Variants in KDM4B observed in about 807,000 individuals in gnomAD.
The protein encoded by KDM4B is lysine demethylase 4B, also known as lysine-specific demethylase 4B.
KDM4B carries 32 observed loss-of-function variants against 125.2 expected under a neutral mutation model. The ratio of observed to expected loss-of-function variants is 0.26; its 90% CI spans 0.19 to 0.34. The LOEUF is 0.34. Ranked by LOEUF, KDM4B falls within the 10% of genes least tolerant of loss-of-function variation. KDM4B has a pLI of 1.00. For missense variants in KDM4B, 1,190 were observed against 1,577.7 expected (o/e 0.75, Z 4.16); for synonymous variants, 721 against 677.9 (o/e 1.06, Z -0.99).
At chr19:4,983,234 C>G (rs561292283) in intron 1 of KDM4B, among the ~76,000 whole-genome samples, 2 of 151,756 alleles carry the variant, frequency 1.3e-5, no homozygotes, top group African/African-American at 4.8e-5. Flanking sequence ...GCCCTGGCCC[C>G]GGATGCACTG....
At position 5,082,247 on chromosome 19, in the gene KDM4B, T is replaced by G. The variant is rs1450786198; in HGVS notation, c.781-120T>G. The G allele has an allele frequency of 2.4e-6, 3 of 1,228,554 alleles. No individual in the cohort carries two copies. Among genetic ancestry groups the G allele is most frequent in the East Asian group, 2.6e-5 (1 of 39,204 alleles). 76.1% of individuals were successfully genotyped at this position (1,228,554 alleles called of 1,614,324 possible). On this transcript the variant is annotated intron_variant, in intron 8 of 22. Coordinates refer to ENST00000159111, the MANE Select transcript of KDM4B (RefSeq NM_015015.3). The surrounding 1 kb of genome is among the most constrained non-coding windows in gnomAD (Gnocchi z 5.4). The stretch of plus-strand genomic sequence containing the variant: ...TGGAGCCGCTGGATCACCTTTGACT[T>G]TGTGAAACCCCCTTGGCTCATAAGC...
intron 1 of KDM4B, among the ~76,000 whole-genome samples, chr19:5,014,375 C>T (rs575262866): frequency 6.6e-6 from 1 of 152,252 alleles, no homozygotes; most frequent in South Asian, 2.1e-4. Context: ...CTCCTGGGTT[C>T]ACGCCATTCT....
At chr19:5,010,846 C>T (rs1001735553) in intron 1 of KDM4B, among the ~76,000 whole-genome samples, 2 of 152,260 alleles carry the variant, frequency 1.3e-5, no homozygotes, top group African/African-American at 2.4e-5. Flanking sequence ...TGGGGTTTCA[C>T]CATGTTGCAC....
chr19:5,114,432 G>A lies in KDM4B; in HGVS notation c.1115+3614G>A, dbSNP rs1231987090. On this transcript the variant is annotated intron_variant, in intron 10 of 22. Coordinates refer to ENST00000159111, the MANE Select transcript of KDM4B (RefSeq NM_015015.3). The surrounding 1 kb of genome is among the most constrained non-coding windows in gnomAD (Gnocchi z 5.8). ...TCTGGCCCCGACTCCTGCCAGGGCT[G>A]CCACGGCTGCCACACCCCAGCTGCA... The A allele has an allele frequency of 2.5e-6, 1 of 408,134 alleles. No individual in the cohort carries two copies. The highest frequency in any genetic ancestry group is 2.6e-5 in the Admixed American group (1 of 37,964). 25.3% of individuals were successfully genotyped at this position (408,134 alleles called of 1,614,324 possible).
chr19:5,137,706 G>A, intron 17 of KDM4B, 30 bp downstream of exon 17: 12 of 1,552,930 alleles, frequency 7.7e-6, no homozygotes, highest in Non-Finnish European at 1.0e-5. Context: ...GGGGCTGGAG[G>A]GCCGGAGGGG....
chr19:5,127,850 C>G lies in KDM4B; in HGVS notation c.1316-3226C>G, dbSNP rs550025150. Among the ~76,000 whole-genome samples, 5 of 152,324 alleles carry G rather than the reference C, an allele frequency of 3.3e-5. No individual in the cohort carries two copies. In the South Asian group the frequency reaches 1.0e-3, roughly 32 times the overall value. ...AGAACCAGGGCCTGGGGCGGTCACA[C>G]CAGCCGCCCCTCAGCTCCCAGGAGG... On this transcript the variant is annotated intron_variant, in intron 11 of 22. Coordinates refer to ENST00000159111, the MANE Select transcript of KDM4B (RefSeq NM_015015.3).
At chr19:5,094,772 C>T (rs1342581514) in intron 9 of KDM4B, among the ~76,000 whole-genome samples, 1 of 152,166 alleles carries the variant, frequency 6.6e-6, no homozygotes, top group Non-Finnish European at 1.5e-5. Flanking sequence ...AGCCACGGGC[C>T]ACACGTAGCA....
chr19:5,138,228 A>G (rs1288471000), intron 18 of KDM4B, 158 bp downstream of exon 18: 6 of 602,168 alleles, frequency 1.0e-5, no homozygotes, highest in Non-Finnish European at 1.8e-5. Context: ...TCCCGACTTC[A>G]GCAGGTGTGT....
intron 18 of KDM4B, 75 bp downstream of exon 18, chr19:5,138,145 C>G: frequency 9.0e-7 from 1 of 1,117,140 alleles, no homozygotes; most frequent in African/African-American, 1.5e-5. Flanking sequence ...CCCACCTGCG[C>G]GATCTGAAGC....
chr19:5,119,890 T>A, intron 11 of KDM4B, 38 bp downstream of exon 11: 1 of 1,540,582 alleles, frequency 6.5e-7, no homozygotes, highest in Non-Finnish European at 8.7e-7. Context: ...ACCGCTGTTT[T>A]CCCACCCCCG....
intron 9 of KDM4B, among the ~76,000 whole-genome samples, chr19:5,104,743 C>G (rs530446725): frequency 6.6e-6 from 1 of 152,240 alleles, no homozygotes; most frequent in Non-Finnish European, 1.5e-5. Flanking sequence ...CCTCACACCC[C>G]CCAAAAATTA....
At chr19:5,083,718 C>G (rs1252023660) in intron 9 of KDM4B, among the ~76,000 whole-genome samples, 1 of 152,182 alleles carries the variant, frequency 6.6e-6, no homozygotes, top group African/African-American at 2.4e-5. Context: ...CCGGCGTCTC[C>G]CTCTGGTTTG....
rs1301921319 is a variant in KDM4B at position 5,081,981 on chromosome 19, G to GC, written c.781-381dup. On this transcript the variant is annotated intron_variant, in intron 8 of 22. Transcript: ENST00000159111. The surrounding 1 kb of genome is among the most constrained non-coding windows in gnomAD (Gnocchi z 4.2). Reference sequence around the variant, plus strand: ...GACTCAGCCACCTCCAAAGCAGGAGGCCCCCATCGCTCCCCATGAAGGTCC... The same window carrying GC: ...GACTCAGCCACCTCCAAAGCAGGAGGCCCCCCATCGCTCCCCATGAAGGTCC... Among the ~76,000 whole-genome samples the GC allele has an allele frequency of 3.3e-5, 5 of 152,318 alleles. No homozygotes were observed. Among genetic ancestry groups the GC allele is most frequent in the East Asian group, 3.9e-4 (2 of 5,172 alleles).
rs149419986 is a variant in KDM4B, at chr19:4,992,670, C to T, written c.-109+23440C>T. On this transcript the variant is annotated intron_variant, in intron 1 of 22. Coordinates refer to ENST00000159111, the MANE Select transcript of KDM4B (RefSeq NM_015015.3). ...TCACTATATTTCCCCAGGCTGGTCT[C>T]GTACTCCTGGGTTCAAGCATTCCTC... 1.5e-3 allele frequency among the ~76,000 whole-genome samples: 232 copies of T among 152,270 alleles called. 4 individuals carry two copies. The East Asian group carries it at 0.04, about 26-fold the overall frequency.
At chr19:5,047,260 T>C (rs921787019) in intron 5 of KDM4B, 4 of 527,858 alleles carry the variant, frequency 7.6e-6, no homozygotes, top group Non-Finnish European at 1.3e-5. Flanking sequence ...GCTATGATTC[T>C]GCCACTGCAC....
At chr19:5,049,846 T>G (rs1422360378) in intron 6 of KDM4B, among the ~76,000 whole-genome samples, 1 of 152,156 alleles carries the variant, frequency 6.6e-6, no homozygotes. Context: ...CGGAGCCTCT[T>G]GGATCCTCAC....
At chr19:5,132,422 G>C (rs2039574852) in intron 13 of KDM4B, among the ~76,000 whole-genome samples, 1 of 152,186 alleles carries the variant, frequency 6.6e-6, no homozygotes, top group Admixed American at 6.5e-5. Context: ...CTGCTGTCTT[G>C]TGTGCAGAAG....
At chr19:5,126,505 G>A (rs138421372) in intron 11 of KDM4B, among the ~76,000 whole-genome samples, 1,857 of 152,312 alleles carry the variant, frequency 0.012, 17 homozygotes, top group Non-Finnish European at 0.021. Flanking sequence ...GCATAGTGCC[G>A]TCCTGCCTCC....
intron 2 of KDM4B, among the ~76,000 whole-genome samples, chr19:5,018,941 G>A (rs2035974221): frequency 6.6e-6 from 1 of 152,260 alleles, no homozygotes. Flanking sequence ...GTGGTGCCGG[G>A]CGACCTGCTC....
Sources: gnomAD v4.1 joint callset for allele counts (sites outside exome capture counted in the v4.1 genomes callset) on GRCh38, gnomAD v4.1.1 for gene constraint, Gnocchi (gnomAD v3.1) non-coding constraint, MANE v1.5 for transcripts, NCBI Gene and HGNC (gene_info 2026-07-23, HGNC 2026-07-21) for gene names.